Variants in KLHL29 observed in about 807,000 individuals in gnomAD.
KLHL29 encodes the protein kelch like family member 29.
Under a neutral mutation model 80.4 loss-of-function variants are expected in KLHL29, and 21 were observed. The ratio of observed to expected loss-of-function variants is 0.26; its 90% CI spans 0.19 to 0.38. The LOEUF (loss-of-function observed/expected upper bound fraction) is 0.38, where lower values mean the gene tolerates loss of function less well. KLHL29 is among the 10% of genes least tolerant of loss of function. KLHL29 has a pLI of 1.00. For missense variants in KLHL29, 867 were observed against 1,223.9 expected, an observed-to-expected ratio of 0.71 and a Z score of 4.35; for synonymous variants, 511 against 526.8, an observed-to-expected ratio of 0.97 and a Z score of 0.41.
Position 23,696,084 on chromosome 2 carries a change from C to T in KLHL29, c.1875C>T (p.Asp625=), listed in dbSNP as rs1671936382. The T allele has an allele frequency of 1.3e-6, 2 of 1,551,834 alleles. No individual in the cohort carries two copies. Among genetic ancestry groups the T allele is most frequent in the Non-Finnish European group, 1.7e-6 (2 of 1,147,016 alleles). The part of the protein sequence containing the change: ...WYPLASLPFY[D]REFFSVVSAG... ...CCTTGGCCTCGCTGCCCTTCTATGA[C>T]CGCGAGTTCTTCAGTGTAGTGAGTG... Residue 625 remains aspartate, a synonymous_variant, in exon 10 of 14, where the codon GAC becomes GAT. Transcript: ENST00000486442. The surrounding 1 kb of genome is among the most constrained non-coding windows in gnomAD (Gnocchi z 5.5).
chr2:23,562,096 G>A lies in KLHL29; in HGVS notation c.-45-56G>A. 4 of 1,393,644 alleles carry A rather than the reference G, an allele frequency of 2.9e-6. No homozygotes were observed. The highest frequency in any genetic ancestry group is 3.9e-6 in the Non-Finnish European group (4 of 1,023,484). The allele number at this position is 1,393,644 out of a possible 1,614,324, so 86.3% of individuals were successfully genotyped here. A position where few individuals can be genotyped will look rare whatever the true frequency, so the allele number is the denominator to read the frequency against. ...AGAAGGGGCTTCATGGATGCTGTCA[G>A]TTGTCGCTGCCTGCTCCAGTCCTAA... is the stretch of plus-strand genomic sequence containing the variant. On this transcript the variant is annotated intron_variant, in intron 2 of 13. Transcript: ENST00000486442. The surrounding 1 kb of genome is among the most constrained non-coding windows in gnomAD (Gnocchi z 4.5).
chr2:23,545,035 G>A (rs1666946443), intron 2 of KLHL29, among the ~76,000 whole-genome samples: 1 of 152,226 alleles, frequency 6.6e-6, no homozygotes. Flanking sequence ...GGTGAGGAAG[G>A]AAGGAAGGAG....
At position 23,597,299 on chromosome 2, in the gene KLHL29, A is replaced by C. The variant is rs1173212058; in HGVS notation, c.285+34818A>C. ...CTCAATCTATCTCTCTCTCTCTCATATATATATATATGTGTGTGTGTGTGT... is the reference window on the plus strand; with the variant it reads ...CTCAATCTATCTCTCTCTCTCTCATCTATATATATATGTGTGTGTGTGTGT... On this transcript the variant is annotated intron_variant, in intron 3 of 13. Transcript: ENST00000486442. 3.3e-4 allele frequency among the ~76,000 whole-genome samples: 32 copies of C among 96,870 alleles called. 1 individual carries two copies. The highest frequency in any genetic ancestry group is 1.3e-3 in the African/African-American group (29 of 22,774). The allele number at this position is 96,870 out of a possible 152,430, so 63.6% of individuals were successfully genotyped here. A position where few individuals can be genotyped will look rare whatever the true frequency, so the allele number is the denominator to read the frequency against.
chr2:23,658,826 G>A (rs1484563355), intron 5 of KLHL29, among the ~76,000 whole-genome samples: 1 of 152,182 alleles, frequency 6.6e-6, no homozygotes, highest in African/African-American at 2.4e-5. Flanking sequence ...CAAATTGCTG[G>A]GCCGGTCAGA....
chr2:23,552,208 C>G (rs748388973), intron 2 of KLHL29, among the ~76,000 whole-genome samples: 2 of 152,194 alleles, frequency 1.3e-5, no homozygotes, highest in Non-Finnish European at 2.9e-5. Context: ...AGACCAGCAC[C>G]TCCCGTTTAA....
chr2:23,465,724 T>C (rs1664332406), intron 1 of KLHL29, among the ~76,000 whole-genome samples: 1 of 152,154 alleles, frequency 6.6e-6, no homozygotes, highest in Admixed American at 6.5e-5. Context: ...ATGAAGACAT[T>C]TGCCCCTCTG....
Position 23,680,933 on chromosome 2 carries a change from G to A in KLHL29, c.941-3466G>A, listed in dbSNP as rs890713877. Among the ~76,000 whole-genome samples, 1 of 152,210 alleles carries A rather than the reference G, an allele frequency of 6.6e-6. No individual in the cohort carries two copies. Among genetic ancestry groups the A allele is most frequent in the Non-Finnish European group, 1.5e-5 (1 of 68,042 alleles). On this transcript the variant is annotated intron_variant, in intron 5 of 13. Transcript: ENST00000486442. This position sits in a 1 kb window ranked among gnomAD's most constrained non-coding sequence, Gnocchi z 4.1. ...CGAGGCCTGCAAATCTCCCACACCT[G>A]AGAATAGGCCATGTTGTTGGAAGAT...
intron 3 of KLHL29, among the ~76,000 whole-genome samples, chr2:23,587,815 G>A (rs184970537): frequency 3.4e-4 from 52 of 152,314 alleles, no homozygotes; most frequent in Middle Eastern, 6.8e-3. Context: ...TCTAAAGTCC[G>A]TGTGGTCCTT....
chr2:23,573,558 G>T (rs1466072420), intron 3 of KLHL29, among the ~76,000 whole-genome samples: 1 of 152,182 alleles, frequency 6.6e-6, no homozygotes, highest in Non-Finnish European at 1.5e-5. Flanking sequence ...TCCTTCCCTA[G>T]TGCTGGCGAC....
intron 2 of KLHL29, among the ~76,000 whole-genome samples, chr2:23,480,532 C>T (rs1664772528): frequency 6.6e-6 from 1 of 152,104 alleles, no homozygotes; most frequent in Admixed American, 6.6e-5. Flanking sequence ...GGTCCTTCCC[C>T]CAGATATTCT....
intron 5 of KLHL29, among the ~76,000 whole-genome samples, chr2:23,671,731 C>T (rs1208036620): frequency 2.6e-5 from 4 of 152,144 alleles, no homozygotes; most frequent in Non-Finnish European, 5.9e-5. Context: ...CCGGGGCCTC[C>T]GAATGGAAAG....
chr2:23,506,574 G>A (rs1248767177), intron 2 of KLHL29, among the ~76,000 whole-genome samples: 2 of 152,190 alleles, frequency 1.3e-5, no homozygotes, highest in Non-Finnish European at 2.9e-5. Flanking sequence ...GCCCAAGTGG[G>A]GTACTCAAGG....
At chr2:23,513,165 GA>G (rs1216220536) in intron 2 of KLHL29, among the ~76,000 whole-genome samples, 2 of 152,248 alleles carry the variant, frequency 1.3e-5, no homozygotes, top group African/African-American at 4.8e-5. Flanking sequence ...AAGTCATGGG[GA>G]AATGTTAAAT....
intron 1 of KLHL29, among the ~76,000 whole-genome samples, chr2:23,469,058 T>G (rs1230590588): frequency 1.3e-5 from 2 of 152,224 alleles, no homozygotes; most frequent in African/African-American, 4.8e-5. Flanking sequence ...CTTTGCCTGT[T>G]GTTTTGCTTT....
chr2:23,528,774 A>G (rs1466535012), intron 2 of KLHL29, among the ~76,000 whole-genome samples: 1 of 152,176 alleles, frequency 6.6e-6, no homozygotes, highest in East Asian at 1.9e-4. Context: ...TACTTTTTTA[A>G]AGAAATCCTA....
chr2:23,652,022 A>T (rs1670100784), intron 5 of KLHL29, among the ~76,000 whole-genome samples: 1 of 152,190 alleles, frequency 6.6e-6, no homozygotes. Flanking sequence ...GAGGGGACAC[A>T]TTTCAGTCCG....
In KLHL29 at chr2:23,696,762, G is replaced by A. The variant is rs982918881; in HGVS notation, c.2105+249G>A. The A allele has an allele frequency of 3.2e-5, 13 of 409,818 alleles. No homozygotes were observed. Among genetic ancestry groups the A allele is most frequent in the African/African-American group, 1.0e-4 (5 of 47,844 alleles). The allele number at this position is 409,818 out of a possible 1,614,324, so 25.4% of individuals were successfully genotyped here. On this transcript the variant is annotated intron_variant, in intron 11 of 13. Transcript: ENST00000486442. The surrounding 1 kb of genome is among the most constrained non-coding windows in gnomAD (Gnocchi z 5.5). Reference sequence around the variant, plus strand: ...ATGGGAGATGGGGCGCTTCTGTCCCGACAACCCATTTAGGTGTCAGACAAG... The same window carrying A: ...ATGGGAGATGGGGCGCTTCTGTCCCAACAACCCATTTAGGTGTCAGACAAG...
chr2:23,606,921 C>G (rs189074262), intron 3 of KLHL29, among the ~76,000 whole-genome samples: 24 of 152,344 alleles, frequency 1.6e-4, no homozygotes, highest in African/African-American at 5.8e-4. Context: ...GAGAAACCCA[C>G]GATCAAGGCA....
At chr2:23,556,716 A>G (rs1202863326) in intron 2 of KLHL29, among the ~76,000 whole-genome samples, 2 of 151,886 alleles carry the variant, frequency 1.3e-5, no homozygotes, top group Non-Finnish European at 2.9e-5. Flanking sequence ...CCTGGCCAGC[A>G]TCGGCTTTGC....
Sources: allele counts gnomAD v4.1 joint callset (sites outside exome capture counted in the v4.1 genomes callset), GRCh38; gene constraint gnomAD v4.1.1; non-coding constraint Gnocchi (gnomAD v3.1); transcripts MANE v1.5; gene names NCBI Gene and HGNC (gene_info 2026-07-23, HGNC 2026-07-21).